The following DLGAP1 variants were observed in gnomAD, a reference collection of about 807,000 sequenced individuals.
The protein encoded by DLGAP1 is DLG associated protein 1.
Under a neutral mutation model 90.8 loss-of-function variants are expected in DLGAP1, and 11 were observed. The observed-to-expected ratio is 0.12, with a 90% confidence interval of 0.08 to 0.20. DLGAP1 has a LOEUF of 0.20. DLGAP1 is among the 10% of genes least tolerant of loss of function. DLGAP1 has a pLI of 1.00. For synonymous variants in DLGAP1, 558 were observed against 540.7 expected (o/e 1.03, Z -0.44); for missense variants, 1,050 against 1,333.8 (o/e 0.79, Z 3.31).
chr18:3,983,728 AAG>A (rs1354157654), intron 3 of DLGAP1: 2 of 152,264 alleles, frequency 1.3e-5, no homozygotes, highest in African/African-American at 2.4e-5. Context: ...CCGTTTAAAA[AAG>A]ACTCTCCTAT....
rs1293025584 is a variant in DLGAP1, at chr18:4,361,004, CA to C, written c.-267+94001del. On this transcript the variant is annotated intron_variant, in intron 1 of 12. Coordinates refer to ENST00000315677, the MANE Select transcript of DLGAP1 (RefSeq NM_004746.4). ...CTTACCTATTAGTTATGAAAAGAGT[CA>C]AAAGATGAGACAAAGATAAATCTAA... Among the ~76,000 whole-genome samples, 22 of 151,836 alleles carry C rather than the reference CA, an allele frequency of 1.4e-4. No individual in the cohort carries two copies. In the East Asian group the frequency reaches 4.3e-3, roughly 29 times the overall value.
intron 1 of DLGAP1, among the ~76,000 whole-genome samples, chr18:4,374,173 G>A (rs558696742): frequency 6.6e-4 from 101 of 152,184 alleles, no homozygotes; most frequent in African/African-American, 2.2e-3. Context: ...TATGGGGAAC[G>A]CATGACCAGG....
chr18:4,349,050 A>T (rs1023688496), intron 1 of DLGAP1, among the ~76,000 whole-genome samples: 3 of 152,188 alleles, frequency 2.0e-5, no homozygotes, highest in Non-Finnish European at 2.9e-5. Context: ...TCACCATAAG[A>T]TCCTTATTAG....
rs770002284 is a variant in DLGAP1 at position 3,708,542 on chromosome 18, C to T, written c.1591+20593G>A. 8 of 456,592 alleles carry T rather than the reference C, an allele frequency of 1.8e-5. No homozygotes were observed. The East Asian group carries it at 2.8e-4, about 16-fold the overall frequency. 28.3% of individuals were successfully genotyped at this position (456,592 alleles called of 1,614,324 possible). On this transcript the variant is annotated intron_variant, in intron 7 of 12. Transcript: ENST00000315677. ...CAAGTGTCTCATTTCTGCTCCGTTT[C>T]CTGCCTCTTCCTCTCCAAGAGCACC...
In DLGAP1 at chr18:3,962,733, T is replaced by A. The variant is rs149734836; in HGVS notation, c.-73+42383A>T. Among the ~76,000 whole-genome samples, 3 of 152,358 alleles carry A rather than the reference T, an allele frequency of 2.0e-5. No homozygotes were observed. The East Asian group carries it at 5.8e-4, about 29-fold the overall frequency. On this transcript the variant is annotated intron_variant, in intron 3 of 12. Transcript: ENST00000315677. ...CCAGGACATTTATTCTTTAGTTGTA[T>A]GCATTTTGCTTTGGACTGACAGCGT... is the stretch of plus-strand genomic sequence containing the variant.
intron 4 of DLGAP1, among the ~76,000 whole-genome samples, chr18:3,855,586 G>C (rs759258638): frequency 1.1e-4 from 16 of 152,116 alleles, no homozygotes; most frequent in Non-Finnish European, 1.9e-4. Context: ...CAACAAAAGG[G>C]AGGTAGATTT....
chr18:4,384,997 T>C (rs1008194599), intron 1 of DLGAP1, among the ~76,000 whole-genome samples: 4 of 152,148 alleles, frequency 2.6e-5, no homozygotes, highest in African/African-American at 9.7e-5. Flanking sequence ...GTGGCTGTAA[T>C]GCCTCCCTAA....
rs948388363 is a variant in DLGAP1, at chr18:4,333,566, C to G, written c.-267+121440G>C. Reference sequence around the variant, plus strand: ...AAAAAAAGAAGCATTTTCTTTGGAACCCGGTATCAGTGCCATGCATGTATG... The same window carrying G: ...AAAAAAAGAAGCATTTTCTTTGGAAGCCGGTATCAGTGCCATGCATGTATG... On this transcript the variant is annotated intron_variant, in intron 1 of 12. Coordinates refer to ENST00000315677, the MANE Select transcript of DLGAP1 (RefSeq NM_004746.4). Among the ~76,000 whole-genome samples, 5 of 150,496 alleles carry G rather than the reference C, an allele frequency of 3.3e-5. No individual in the cohort carries two copies. In the South Asian group the frequency reaches 6.3e-4, roughly 19 times the overall value.
intron 7 of DLGAP1, among the ~76,000 whole-genome samples, chr18:3,652,616 T>A (rs182889495): frequency 1.3e-5 from 2 of 152,316 alleles, no homozygotes; most frequent in East Asian, 3.9e-4. Flanking sequence ...GTGCTGGGAT[T>A]ACAGGTGTGA....
intron 12 of DLGAP1, 78 bp downstream of exon 12, chr18:3,502,413 CTG>C: frequency 6.3e-7 from 1 of 1,591,106 alleles, no homozygotes; most frequent in Non-Finnish European, 8.5e-7. Flanking sequence ...AACAGCAGGA[CTG>C]AATGCAGAAG....
At chr18:3,893,446 A>G (rs2071530491) in intron 3 of DLGAP1, among the ~76,000 whole-genome samples, 2 of 151,832 alleles carry the variant, frequency 1.3e-5, no homozygotes, top group African/African-American at 2.4e-5. Context: ...GGGCCTGGTG[A>G]TGGGTGCTTG....
chr18:3,664,216 A>ACACC (rs1491360168), intron 7 of DLGAP1, among the ~76,000 whole-genome samples: 4 of 89,948 alleles, frequency 4.4e-5, no homozygotes, highest in East Asian at 4.6e-4. Flanking sequence ...ACACACACAC[A>ACACC]CCCACACACA....
chr18:4,423,968 A>C (rs2083097638), intron 1 of DLGAP1, among the ~76,000 whole-genome samples: 1 of 152,144 alleles, frequency 6.6e-6, no homozygotes, highest in East Asian at 1.9e-4. Context: ...CCTGAACTAC[A>C]TGGTGAAACT....
intron 6 of DLGAP1, among the ~76,000 whole-genome samples, chr18:3,734,569 T>C (rs1305485062): frequency 1.3e-5 from 2 of 152,190 alleles, no homozygotes; most frequent in Non-Finnish European, 2.9e-5. Context: ...TTTCTCAACA[T>C]GGTCACCAGA....
intron 10 of DLGAP1, among the ~76,000 whole-genome samples, chr18:3,519,611 C>T (rs1317217641): frequency 8.5e-5 from 13 of 152,114 alleles, no homozygotes; most frequent in Admixed American, 2.0e-4. Context: ...TAACAATAAG[C>T]GGTGGGGCAT....
At chr18:3,511,509 G>A (rs988622421) in intron 10 of DLGAP1, among the ~76,000 whole-genome samples, 2 of 151,896 alleles carry the variant, frequency 1.3e-5, no homozygotes, top group East Asian at 3.9e-4. Context: ...GCATCTCGAT[G>A]TTGTTTTGAA....
intron 1 of DLGAP1, among the ~76,000 whole-genome samples, chr18:4,174,411 T>C (rs985762709): frequency 7.2e-5 from 11 of 152,112 alleles, no homozygotes; most frequent in African/African-American, 2.7e-4. Context: ...CTCGGCTCAC[T>C]GCAACCTCCG....
intron 7 of DLGAP1, among the ~76,000 whole-genome samples, chr18:3,585,377 G>A (rs2055818607): frequency 6.6e-6 from 1 of 152,224 alleles, no homozygotes; most frequent in Admixed American, 6.5e-5. Context: ...CAGTGATTCA[G>A]CTGAAGACCC....
At chr18:4,070,525 A>G (rs1315844103) in intron 2 of DLGAP1, among the ~76,000 whole-genome samples, 1 of 47,474 alleles carries the variant, frequency 2.1e-5, no homozygotes, top group Non-Finnish European at 5.2e-5. Flanking sequence ...TTTTTTTTGC[A>G]TAAGGTTTTC....
Sources: allele counts gnomAD v4.1 joint callset (sites outside exome capture counted in the v4.1 genomes callset), GRCh38; gene constraint gnomAD v4.1.1; transcripts MANE v1.5; gene names NCBI Gene and HGNC (gene_info 2026-07-23, HGNC 2026-07-21).